Variants in MYT1L observed in about 807,000 individuals in gnomAD.
The protein encoded by MYT1L is myelin transcription factor 1-like protein.
MYT1L carries 12 observed loss-of-function variants against 126.7 expected under a neutral mutation model. The ratio of observed to expected loss-of-function variants is 0.09; its 90% CI spans 0.06 to 0.15. The LOEUF is 0.15. MYT1L is among the 10% of genes least tolerant of loss of function. MYT1L has a pLI of 1.00. For missense variants in MYT1L, 979 were observed against 1,585.2 expected, an observed-to-expected ratio of 0.62 and a Z score of 6.49; for synonymous variants, 541 against 604.2, an observed-to-expected ratio of 0.90 and a Z score of 1.53.
intron 9 of MYT1L, among the ~76,000 whole-genome samples, chr2:1,933,226 C>T (rs58404476): frequency 0.11 from 17,185 of 151,504 alleles, 1,113 homozygotes; most frequent in East Asian, 0.32. Flanking sequence ...TGCAGAGAAC[C>T]CAGGTGAGAG....
chr2:2,045,944 G>GC (rs938181963), intron 4 of MYT1L, among the ~76,000 whole-genome samples: 2 of 152,146 alleles, frequency 1.3e-5, no homozygotes, highest in African/African-American at 2.4e-5. Context: ...CTGACCTGCT[G>GC]TGGGGTCCTT....
chr2:2,311,881 C>G (rs1020697669), intron 1 of MYT1L, among the ~76,000 whole-genome samples: 1 of 152,208 alleles, frequency 6.6e-6, no homozygotes, highest in African/African-American at 2.4e-5. Flanking sequence ...AAGTTATGCA[C>G]AAACAGTTTG....
chr2:2,260,496 C>A (rs1056948007), intron 2 of MYT1L, among the ~76,000 whole-genome samples: 1 of 152,074 alleles, frequency 6.6e-6, no homozygotes, highest in Non-Finnish European at 1.5e-5. Flanking sequence ...CTTCTAGAAC[C>A]ATTCATACTT....
chr2:1,800,866 A>G (rs955292631), intron 23 of MYT1L, among the ~76,000 whole-genome samples: 1 of 151,542 alleles, frequency 6.6e-6, no homozygotes, highest in Non-Finnish European at 1.5e-5. Context: ...GAACCTCATC[A>G]CACCGTGGCC....
At chr2:2,040,360 T>C (rs1430566207) in intron 4 of MYT1L, among the ~76,000 whole-genome samples, 1 of 152,208 alleles carries the variant, frequency 6.6e-6, no homozygotes, top group African/African-American at 2.4e-5. Context: ...ATGGAAAGTT[T>C]GGAACTAGGG....
chr2:2,254,938 A>G (rs1559471794), intron 2 of MYT1L, among the ~76,000 whole-genome samples: 2 of 152,170 alleles, frequency 1.3e-5, no homozygotes, highest in Non-Finnish European at 2.9e-5. Flanking sequence ...CTTCTATAAT[A>G]TACATGTGCC....
At position 2,283,398 on chromosome 2, in the gene MYT1L, C is replaced by T. The variant is rs1445625240; in HGVS notation, c.-421+1006G>A. Among the ~76,000 whole-genome samples the T allele has an allele frequency of 3.3e-5, 5 of 152,118 alleles. 1 individual carries two copies. The highest frequency in any genetic ancestry group is 6.5e-5 in the Admixed American group (1 of 15,276). On this transcript the variant is annotated intron_variant, in intron 2 of 24. Transcript: ENST00000647738. ...GGCAGTTTGACGTTAATGCAAAGAA[C>T]GACATTGAGAGGATAAGTTTCTAAA...
chr2:1,921,370 C>T (rs112171689), intron 10 of MYT1L, among the ~76,000 whole-genome samples: 10 of 152,050 alleles, frequency 6.6e-5, no homozygotes, highest in East Asian at 1.9e-4. Flanking sequence ...AAGTGGACAC[C>T]GTCTTCTTTA....
intron 18 of MYT1L, 24 bp from the exon 19 acceptor site, chr2:1,851,727 G>A (rs2148531200): frequency 6.2e-7 from 1 of 1,607,348 alleles, no homozygotes; most frequent in Middle Eastern, 1.7e-4. Flanking sequence ...TGCAAATTGT[G>A]TTAAAATGGA....
At chr2:2,042,892 C>G (rs189144067) in intron 4 of MYT1L, among the ~76,000 whole-genome samples, 38 of 152,332 alleles carry the variant, frequency 2.5e-4, no homozygotes, top group Non-Finnish European at 4.6e-4. Flanking sequence ...GCCCTTCCCC[C>G]CTGCTCTTCC....
chr2:2,162,689 G>C (rs2088218842), intron 3 of MYT1L, among the ~76,000 whole-genome samples: 1 of 152,234 alleles, frequency 6.6e-6, no homozygotes, highest in African/African-American at 2.4e-5. Context: ...ACACACTGAA[G>C]GGGCTGCCCA....
intron 5 of MYT1L, among the ~76,000 whole-genome samples, chr2:1,983,757 G>A (rs919131778): frequency 2.0e-5 from 3 of 152,182 alleles, no homozygotes; most frequent in African/African-American, 7.2e-5. Context: ...CTGGAACTGC[G>A]AGCTTCACTT....
chr2:2,133,880 G>C (rs942002025), intron 3 of MYT1L, among the ~76,000 whole-genome samples: 2 of 152,100 alleles, frequency 1.3e-5, no homozygotes, highest in Non-Finnish European at 2.9e-5. Flanking sequence ...TAAAGCAGAT[G>C]CTTTAAGAGA....
At chr2:2,247,846 T>C (rs1179359307) in intron 2 of MYT1L, among the ~76,000 whole-genome samples, 1 of 152,004 alleles carries the variant, frequency 6.6e-6, no homozygotes, top group African/African-American at 2.4e-5. Context: ...CAAATGATAA[T>C]GGAAACACAA....
chr2:2,324,241 A>C (rs1382581916), intron 1 of MYT1L: 2 of 152,218 alleles, frequency 1.3e-5, no homozygotes, highest in Non-Finnish European at 2.9e-5. Context: ...ATCTGTGCCT[A>C]CAGCCGCACT....
chr2:2,266,308 T>C (rs955533465), intron 2 of MYT1L, among the ~76,000 whole-genome samples: 2 of 152,216 alleles, frequency 1.3e-5, no homozygotes, highest in Non-Finnish European at 2.9e-5. Context: ...TTGGGAATAC[T>C]CATTCCTTGT....
chr2:2,220,044 G>A (rs923095413), intron 2 of MYT1L, among the ~76,000 whole-genome samples: 1 of 152,170 alleles, frequency 6.6e-6, no homozygotes, highest in South Asian at 2.1e-4. Context: ...TGCACAGTGA[G>A]TGGAGAAGAG....
chr2:2,087,245 T>C (rs561960978), intron 3 of MYT1L, among the ~76,000 whole-genome samples: 1 of 152,344 alleles, frequency 6.6e-6, no homozygotes, highest in East Asian at 1.9e-4. Flanking sequence ...GGGTAGGCTA[T>C]GCTTGTCTTC....
intron 2 of MYT1L, among the ~76,000 whole-genome samples, chr2:2,215,993 T>TC (rs1273733581): frequency 6.6e-6 from 1 of 152,040 alleles, no homozygotes; most frequent in African/African-American, 2.4e-5. Flanking sequence ...TGGCACCCTC[T>TC]CCCCCAACCT....
Sources: gnomAD v4.1 joint callset for allele counts (sites outside exome capture counted in the v4.1 genomes callset) on GRCh38, gnomAD v4.1.1 for gene constraint, MANE v1.5 for transcripts, NCBI Gene and HGNC (gene_info 2026-07-23, HGNC 2026-07-21) for gene names.